TMC1: variants seen among roughly 807,000 people sequenced by gnomAD.
The protein encoded by TMC1 is transmembrane channel like 1.
Under a neutral mutation model 105.8 loss-of-function variants are expected in TMC1, and 84 were observed. The observed-to-expected ratio is 0.79, with a 90% CI of 0.67 to 0.95. TMC1 has a LOEUF of 0.95. Ranked by LOEUF, TMC1 falls within the 40% of genes least tolerant of loss-of-function variation. TMC1 has a pLI of 0.00. For synonymous variants in TMC1, 315 were observed against 311.5 expected, an observed-to-expected ratio of 1.01 and a Z score of -0.12; for missense variants, 817 against 914.1, an observed-to-expected ratio of 0.89 and a Z score of 1.37.
intron 1 of TMC1, among the ~76,000 whole-genome samples, chr9:72,558,927 A>T (rs74984448): frequency 0.011 from 1,604 of 151,904 alleles, 32 homozygotes; most frequent in African/African-American, 0.036. Flanking sequence ...TTTTTTTGTT[A>T]TAAGAAATGC....
chr9:72,743,582 G>A (rs12115563), intron 10 of TMC1, among the ~76,000 whole-genome samples: 8,048 of 100,988 alleles, frequency 0.08, 265 homozygotes, highest in African/African-American at 0.13. Flanking sequence ...AAAAAAAAAA[G>A]AAAGAAAGAA....
intron 12 of TMC1, among the ~76,000 whole-genome samples, chr9:72,760,555 A>G (rs1827740487): frequency 6.6e-6 from 1 of 152,060 alleles, no homozygotes; most frequent in African/African-American, 2.4e-5. Context: ...AAACATTTGG[A>G]TCCACTCTCT....
chr9:72,546,290 A>AC (rs1823767188), intron 1 of TMC1, among the ~76,000 whole-genome samples: 6 of 152,084 alleles, frequency 3.9e-5, no homozygotes, highest in Admixed American at 3.9e-4. Flanking sequence ...GAGACTCCTC[A>AC]AAAAATATAA....
At chr9:72,754,461 G>T (rs923034757) in intron 11 of TMC1, among the ~76,000 whole-genome samples, 1 of 152,126 alleles carries the variant, frequency 6.6e-6, no homozygotes, top group Admixed American at 6.5e-5. Context: ...GACTCAAAAG[G>T]CTACCTCTCT....
Position 72,772,651 on chromosome 9 carries a change from A to G in TMC1, c.884+96A>G, listed in dbSNP as rs905307685. The G allele has an allele frequency of 6.6e-6, 10 of 1,505,852 alleles. No individual in the cohort carries two copies. The Admixed American group carries it at 8.4e-5, about 13-fold the overall frequency. The allele number at this position is 1,505,852 out of a possible 1,614,324, so 93.3% of individuals were successfully genotyped here. A position where few individuals can be genotyped will look rare whatever the true frequency, so the allele number is the denominator to read the frequency against. Reference sequence around the variant, plus strand: ...TTGGATATAATTTTGTTGCTATTTTATGTCTAAAGGAAACAGAGTCTGTAA... The same window carrying G: ...TTGGATATAATTTTGTTGCTATTTTGTGTCTAAAGGAAACAGAGTCTGTAA... On this transcript the variant is annotated intron_variant, in intron 13 of 23. Transcript: ENST00000297784.
chr9:72,651,119 GTATCTATATCACATATA>G (rs1038453542), intron 5 of TMC1: 8 of 147,034 alleles, frequency 5.4e-5, no homozygotes, highest in East Asian at 2.0e-4. Flanking sequence ...TATAGCACAT[GTATCTATATCACATATA>G]TATATATATC....
At chr9:72,666,851 A>G (rs1206827531) in intron 5 of TMC1, among the ~76,000 whole-genome samples, 2 of 151,732 alleles carry the variant, frequency 1.3e-5, no homozygotes, top group Non-Finnish European at 2.9e-5. Context: ...GGAGTTTGAG[A>G]CCAGCCTGGG....
chr9:72,706,468 G>T (rs1588041850), intron 8 of TMC1, among the ~76,000 whole-genome samples: 1 of 152,170 alleles, frequency 6.6e-6, no homozygotes, highest in South Asian at 2.1e-4. Flanking sequence ...GGTGGTATTT[G>T]GTTACATGAG....
intron 5 of TMC1, among the ~76,000 whole-genome samples, chr9:72,650,784 G>C (rs1472583701): frequency 6.6e-6 from 1 of 150,376 alleles, no homozygotes; most frequent in Non-Finnish European, 1.5e-5. Context: ...AGTTGGCTAA[G>C]GATAATGTCT....
intron 2 of TMC1, among the ~76,000 whole-genome samples, chr9:72,600,239 C>A (rs908297259): frequency 1.3e-5 from 2 of 152,284 alleles, no homozygotes; most frequent in East Asian, 3.9e-4. Context: ...GGCAACTTTA[C>A]CTTTAACTGT....
chr9:72,835,915 G>GTTTTTTTTTTTTTATTTTTT, intron 23 of TMC1, 36 bp from the exon 24 acceptor site: 1 of 1,314,682 alleles, frequency 7.6e-7, no homozygotes, highest in South Asian at 1.4e-5. Flanking sequence ...CTCTCTCCTT[G>GTTTTTTTTTTTTTATTTTTT]TTTTTTTTTT....
chr9:72,643,648 C>A (rs1825662955), intron 4 of TMC1, among the ~76,000 whole-genome samples: 1 of 152,094 alleles, frequency 6.6e-6, no homozygotes, highest in African/African-American at 2.4e-5. Flanking sequence ...TGTATTATTA[C>A]AAATTAGCAT....
At chr9:72,765,112 A>T (rs1827809968) in intron 12 of TMC1, among the ~76,000 whole-genome samples, 1 of 152,196 alleles carries the variant, frequency 6.6e-6, no homozygotes. Context: ...AATTGGAGGA[A>T]CAATCCGGAA....
intron 2 of TMC1, among the ~76,000 whole-genome samples, chr9:72,598,942 T>C (rs1316467780): frequency 6.6e-6 from 1 of 152,134 alleles, no homozygotes; most frequent in Non-Finnish European, 1.5e-5. Context: ...AGCAGAGTGT[T>C]TGGTATTAAT....
chr9:72,821,186 T>A (rs1048607377), intron 20 of TMC1, 105 bp downstream of exon 20: 4 of 1,557,922 alleles, frequency 2.6e-6, no homozygotes, highest in Non-Finnish European at 3.5e-6. Context: ...AACAATGACA[T>A]TTTTGGTTGG....
chr9:72,607,000 T>TAGAGAGAGAGAGAGAGAGAGAG (rs796092443), intron 2 of TMC1, among the ~76,000 whole-genome samples: 1 of 128,662 alleles, frequency 7.8e-6, no homozygotes. Flanking sequence ...TATATATATA[T>TAGAGAGAGAGAGAGAGAGAGAG]ATAGAGAGAG....
chr9:72,741,839 G>C (rs1256673762), intron 9 of TMC1, among the ~76,000 whole-genome samples: 1 of 152,096 alleles, frequency 6.6e-6, no homozygotes, highest in Non-Finnish European at 1.5e-5. Context: ...TAGAAAGAAG[G>C]CCTTTTGCAA....
At chr9:72,526,902 T>C (rs1355223339) in intron 1 of TMC1, among the ~76,000 whole-genome samples, 1 of 152,192 alleles carries the variant, frequency 6.6e-6, no homozygotes, top group Admixed American at 6.5e-5. Context: ...TGCAGTGTGG[T>C]CCACCTGCAG....
At chr9:72,606,994 T>TAGAG (rs1406616090) in intron 2 of TMC1, among the ~76,000 whole-genome samples, 175 of 87,606 alleles carry the variant, frequency 2.0e-3, no homozygotes, top group African/African-American at 6.9e-3. Context: ...TATATATATA[T>TAGAG]ATATATATAG....
Sources: allele counts gnomAD v4.1 joint callset (sites outside exome capture counted in the v4.1 genomes callset), GRCh38; gene constraint gnomAD v4.1.1; transcripts MANE v1.5; gene names NCBI Gene and HGNC (gene_info 2026-07-23, HGNC 2026-07-21).